The following RPS6KC1 variants were observed in gnomAD, a reference collection of about 807,000 sequenced individuals.
RPS6KC1 encodes ribosomal protein S6 kinase C1.
A neutral mutation model predicts 103.8 loss-of-function variants in RPS6KC1; 54 were observed. The observed-to-expected ratio is 0.52, with a 90% CI of 0.42 to 0.65. The LOEUF (loss-of-function observed/expected upper bound fraction) is 0.65. Ranked by LOEUF, RPS6KC1 falls within the 30% of genes least tolerant of loss-of-function variation. The probability of loss-of-function intolerance (pLI) is 0.00; values close to 1 mark genes in which losing one functional copy is unlikely to be tolerated. For synonymous variants in RPS6KC1, 439 were observed against 438.7 expected (o/e 1.00, Z -0.01); for missense variants, 1,151 against 1,253.8 (o/e 0.92, Z 1.24).
At chr1:213,840,303 C>T in the RPS6KC1 span, 1 of 152,178 alleles carries the variant, frequency 6.6e-6, no homozygotes, top group Non-Finnish European at 1.5e-5. Flanking sequence ...CCTGTCAAAA[C>T]TTTAAGTTTC....
intron 8 of RPS6KC1, among the ~76,000 whole-genome samples, chr1:213,217,607 G>A (rs1396539378): frequency 2.6e-5 from 4 of 152,118 alleles, no homozygotes; most frequent in Non-Finnish European, 5.9e-5. Context: ...GATGAACATC[G>A]ATGCAAAAAT....
At chr1:213,195,975 T>C (rs1293852311) in intron 8 of RPS6KC1, among the ~76,000 whole-genome samples, 1 of 152,164 alleles carries the variant, frequency 6.6e-6, no homozygotes, top group African/African-American at 2.4e-5. Context: ...TAATGACTTC[T>C]TTTCCTCTGG....
At chr1:213,681,545 C>T in the RPS6KC1 span, among the ~76,000 whole-genome samples, 1 of 152,060 alleles carries the variant, frequency 6.6e-6, no homozygotes, top group Admixed American at 6.6e-5. Context: ...TGCCTGTAAT[C>T]CTAGCACTTT....
the RPS6KC1 span, among the ~76,000 whole-genome samples, chr1:213,366,359 C>T: frequency 1.3e-5 from 2 of 152,190 alleles, no homozygotes; most frequent in Non-Finnish European, 2.9e-5. Context: ...ATAACAGCTG[C>T]GGCTACTAAG....
chr1:213,479,328 G>A, the RPS6KC1 span, among the ~76,000 whole-genome samples: 1 of 152,024 alleles, frequency 6.6e-6, no homozygotes, highest in African/African-American at 2.4e-5. Flanking sequence ...ATGTGATTGT[G>A]TCAATTTACA....
chr1:213,574,228 C>T, the RPS6KC1 span, among the ~76,000 whole-genome samples: 7 of 152,208 alleles, frequency 4.6e-5, no homozygotes, highest in Admixed American at 4.6e-4. Flanking sequence ...TTCATCTTCT[C>T]CAATTCCTAA....
chr1:213,788,737 C>A, the RPS6KC1 span, among the ~76,000 whole-genome samples: 1 of 152,176 alleles, frequency 6.6e-6, no homozygotes, highest in Non-Finnish European at 1.5e-5. Context: ...GTCTGACCCC[C>A]AAACTAATCT....
chr1:213,619,334 T>G, the RPS6KC1 span, among the ~76,000 whole-genome samples: 1 of 152,102 alleles, frequency 6.6e-6, no homozygotes, highest in Admixed American at 6.5e-5. Flanking sequence ...TTCCTAGAAG[T>G]ACCTACTCTA....
At position 213,104,245 on chromosome 1, in the gene RPS6KC1, G is replaced by A. The variant is rs2082268557; in HGVS notation, c.263-209G>A. 1.3e-5 allele frequency among the ~76,000 whole-genome samples: 2 copies of A among 152,086 alleles called. 1 individual carries two copies. On this transcript the variant is annotated intron_variant, in intron 3 of 14. Coordinates refer to ENST00000366960, the MANE Select transcript of RPS6KC1 (RefSeq NM_012424.6). Reference sequence around the variant, plus strand: ...CATTTATTTATCGGTTGACACCTTTGTCTCTTGTTTTATCAGAAACATTTT... The same window carrying A: ...CATTTATTTATCGGTTGACACCTTTATCTCTTGTTTTATCAGAAACATTTT...
the RPS6KC1 span, among the ~76,000 whole-genome samples, chr1:213,725,344 A>G: frequency 2.0e-5 from 3 of 152,200 alleles, no homozygotes; most frequent in Admixed American, 6.5e-5. Flanking sequence ...CTCAATTACA[A>G]TGAAGTCTTC....
the RPS6KC1 span, among the ~76,000 whole-genome samples, chr1:213,484,428 G>T: frequency 6.6e-6 from 1 of 152,206 alleles, no homozygotes; most frequent in Non-Finnish European, 1.5e-5. Flanking sequence ...CGTTTATGTG[G>T]TTGTTGGCAA....
the RPS6KC1 span, among the ~76,000 whole-genome samples, chr1:213,548,920 T>A: frequency 6.6e-6 from 1 of 152,182 alleles, no homozygotes; most frequent in African/African-American, 2.4e-5. Context: ...TAAAGTTAAC[T>A]AGAAATAAAA....
the RPS6KC1 span, among the ~76,000 whole-genome samples, chr1:213,492,774 A>G: frequency 3.3e-5 from 5 of 152,100 alleles, no homozygotes; most frequent in African/African-American, 1.2e-4. Context: ...TTCTGTCCCC[A>G]TGTTATTTTA....
At chr1:213,789,286 C>CCTAA in the RPS6KC1 span, among the ~76,000 whole-genome samples, 5 of 152,004 alleles carry the variant, frequency 3.3e-5, no homozygotes, top group African/African-American at 1.2e-4. Context: ...GTTCAGCCAC[C>CCTAA]CTAACTCCGG....
At chr1:213,169,719 T>C (rs1206557372) in intron 7 of RPS6KC1, among the ~76,000 whole-genome samples, 2 of 152,074 alleles carry the variant, frequency 1.3e-5, no homozygotes, top group Non-Finnish European at 2.9e-5. Flanking sequence ...GTGAACTTGC[T>C]TTACTAAATC....
chr1:213,071,072 T>A, intron 2 of RPS6KC1, 31 bp downstream of exon 2: 1 of 1,368,108 alleles, frequency 7.3e-7, no homozygotes, highest in Non-Finnish European at 1.0e-6. Context: ...TTATTTTATG[T>A]ATTTGATAAA....
chr1:213,836,811 A>G, the RPS6KC1 span, among the ~76,000 whole-genome samples: 1 of 152,168 alleles, frequency 6.6e-6, no homozygotes, highest in South Asian at 2.1e-4. Context: ...AATTGATTTT[A>G]TAGCTCACTA....
At chr1:213,825,840 T>A in the RPS6KC1 span, among the ~76,000 whole-genome samples, 1 of 152,244 alleles carries the variant, frequency 6.6e-6, no homozygotes, top group Non-Finnish European at 1.5e-5. Flanking sequence ...TTGCTCATCA[T>A]GGAATGATTG....
the RPS6KC1 span, among the ~76,000 whole-genome samples, chr1:213,339,449 C>T: frequency 6.6e-6 from 1 of 152,168 alleles, no homozygotes; most frequent in Non-Finnish European, 1.5e-5. Context: ...ATTGTCCATC[C>T]ACACAGTTAG....
Sources: allele counts gnomAD v4.1 joint callset (sites outside exome capture counted in the v4.1 genomes callset), GRCh38; gene constraint gnomAD v4.1.1; transcripts MANE v1.5; gene names NCBI Gene and HGNC (gene_info 2026-07-23, HGNC 2026-07-21).